Variants in LYPLA1 observed in about 807,000 individuals in gnomAD.
LYPLA1 encodes the protein acyl-protein thioesterase 1.
Under a neutral mutation model 34.0 loss-of-function variants are expected in LYPLA1, and 17 were observed. That is an observed-to-expected ratio of 0.50 (90% CI 0.34 to 0.75). The LOEUF (loss-of-function observed/expected upper bound fraction) is 0.75, where lower values mean the gene tolerates loss of function less well. Among genes scored for constraint, LYPLA1 ranks in the 30% least tolerant of loss-of-function variants. The pLI is 0.01. For missense variants in LYPLA1, 203 were observed against 288.8 expected (o/e 0.70, Z 2.15); for synonymous variants, 98 against 100.8 (o/e 0.97, Z 0.17).
intron 2 of LYPLA1, among the ~76,000 whole-genome samples, chr8:54,090,706 C>T (rs1809165864): frequency 6.6e-6 from 1 of 152,164 alleles, no homozygotes. Context: ...ATTTCTCAAC[C>T]TGCCGATCCG....
At chr8:54,088,493 A>G (rs1808968541) in intron 2 of LYPLA1, among the ~76,000 whole-genome samples, 1 of 152,210 alleles carries the variant, frequency 6.6e-6, no homozygotes, top group African/African-American at 2.4e-5. Flanking sequence ...GCACTCACAC[A>G]CTGCTGGCCA....
chr8:54,082,223 A>G (rs1190108347), intron 2 of LYPLA1, among the ~76,000 whole-genome samples: 1 of 152,260 alleles, frequency 6.6e-6, no homozygotes, highest in African/African-American at 2.4e-5. Context: ...GATTAGTTTC[A>G]GCTATGAAAA....
chr8:54,085,779 ACC>A (rs202109968), intron 2 of LYPLA1, among the ~76,000 whole-genome samples: 2 of 146,636 alleles, frequency 1.4e-5, no homozygotes, highest in African/African-American at 5.1e-5. Context: ...GGCAGCCCCC[ACC>A]CCGGCCAGCC....
intron 2 of LYPLA1, among the ~76,000 whole-genome samples, chr8:54,095,518 A>AT (rs1809615985): frequency 6.6e-6 from 1 of 152,120 alleles, no homozygotes; most frequent in Non-Finnish European, 1.5e-5. Flanking sequence ...AATATTTTAA[A>AT]TATTTCATAT....
At chr8:54,088,330 A>G (rs1475258285) in intron 2 of LYPLA1, among the ~76,000 whole-genome samples, 1 of 152,232 alleles carries the variant, frequency 6.6e-6, no homozygotes, top group Non-Finnish European at 1.5e-5. Flanking sequence ...AGGGACCTCT[A>G]TTTTACTTTT....
chr8:54,069,092 T>G (rs1301007904), intron 2 of LYPLA1, among the ~76,000 whole-genome samples: 2 of 152,120 alleles, frequency 1.3e-5, no homozygotes, highest in Non-Finnish European at 2.9e-5. Flanking sequence ...TAAGGAAACA[T>G]AAATCAAAGC....
At chr8:54,044,550 G>C (rs1307943688), downstream of LYPLA1, among the ~76,000 whole-genome samples, 1 of 152,002 alleles carries the variant, frequency 6.6e-6, no homozygotes, top group Non-Finnish European at 1.5e-5. Flanking sequence ...ACCAAAACAG[G>C]CAAGTTTCCC....
At position 54,046,614 on chromosome 8, in the gene LYPLA1, A is replaced by G. The variant is rs1471952195; in HGVS notation, c.*1451T>C. ...TGGCTTCATTATTAACATCCTGTATAGTCCATTACTAAATTATTTCCATTA... is the reference window on the plus strand; with the variant it reads ...TGGCTTCATTATTAACATCCTGTATGGTCCATTACTAAATTATTTCCATTA... On this transcript the variant is annotated 3_prime_UTR_variant, in exon 9 of 9. Transcript: ENST00000316963. 1 of 152,622 alleles carries G rather than the reference A, an allele frequency of 6.6e-6. No individual in the cohort carries two copies. Among genetic ancestry groups the G allele is most frequent in the Non-Finnish European group, 1.5e-5 (1 of 68,008 alleles). The allele number at this position is 152,622 out of a possible 1,614,324, so 9.5% of individuals were successfully genotyped here.
chr8:54,089,449 T>C (rs1356019427), intron 2 of LYPLA1, among the ~76,000 whole-genome samples: 1 of 143,476 alleles, frequency 7.0e-6, no homozygotes, highest in Non-Finnish European at 1.5e-5. Flanking sequence ...GGAAAAAACA[T>C]AGTATCATAG....
At chr8:54,080,289 T>C (rs1808215439) in intron 2 of LYPLA1, among the ~76,000 whole-genome samples, 1 of 151,308 alleles carries the variant, frequency 6.6e-6, no homozygotes, top group Non-Finnish European at 1.5e-5. Flanking sequence ...GAGGTGGGAG[T>C]TGTACTGAGC....
At chr8:54,077,842 G>T (rs1808021988) in intron 2 of LYPLA1, among the ~76,000 whole-genome samples, 1 of 152,030 alleles carries the variant, frequency 6.6e-6, no homozygotes, top group Non-Finnish European at 1.5e-5. Flanking sequence ...GGATGGGAGG[G>T]TACTAACTCC....
chr8:54,090,946 C>T (rs1022067829), intron 2 of LYPLA1, among the ~76,000 whole-genome samples: 1 of 152,192 alleles, frequency 6.6e-6, no homozygotes, highest in Admixed American at 6.5e-5. Context: ...AGGTGCCTTC[C>T]ACCTTTCCTG....
intron 2 of LYPLA1, among the ~76,000 whole-genome samples, chr8:54,080,864 A>G (rs1808264272): frequency 6.6e-6 from 1 of 152,242 alleles, no homozygotes; most frequent in Admixed American, 6.5e-5. Flanking sequence ...TTGGGATTAC[A>G]GGCGTAAGCC....
chr8:54,051,005 C>A lies in LYPLA1; in HGVS notation c.639+7G>T, dbSNP rs1263729514. On this transcript the variant is annotated splice_region_variant and intron_variant, in intron 8 of 8. Transcript: ENST00000316963. ...TATGGCGCTGATCACTGCTTCTAGA[C>A]ACCTACCTGTTGACACGAACTGTGC... is the stretch of plus-strand genomic sequence containing the variant. 11 of 1,597,672 alleles carry A rather than the reference C, an allele frequency of 6.9e-6. No homozygotes were observed. The highest frequency in any genetic ancestry group is 9.4e-6 in the Non-Finnish European group (11 of 1,168,046).
chr8:54,082,765 T>C lies in LYPLA1; in HGVS notation c.102-16952A>G, dbSNP rs980368713. 9.9e-5 allele frequency among the ~76,000 whole-genome samples: 15 copies of C among 152,274 alleles called. No homozygotes were observed. In the East Asian group the frequency reaches 2.9e-3, roughly 29 times the overall value. ...TTTCTGAGACGGAGTCTCGCTCTCT[T>C]GCCCAGGCTAGAGTGCAGTGGCGCG... On this transcript the variant is annotated intron_variant, in intron 2 of 8. Transcript: ENST00000316963.
At chr8:54,062,021 A>G (rs1455154794) in intron 5 of LYPLA1, among the ~76,000 whole-genome samples, 1 of 151,896 alleles carries the variant, frequency 6.6e-6, no homozygotes, top group Non-Finnish European at 1.5e-5. Flanking sequence ...ATATCCAGCT[A>G]ATTTTTTGTA....
chr8:54,079,551 C>T (rs986182929), intron 2 of LYPLA1, among the ~76,000 whole-genome samples: 9 of 152,048 alleles, frequency 5.9e-5, no homozygotes, highest in Non-Finnish European at 1.0e-4. Flanking sequence ...GCCTTTGACC[C>T]CAGCAGTTTG....
intron 2 of LYPLA1, chr8:54,073,382 A>G: frequency 1.3e-6 from 1 of 786,480 alleles, no homozygotes; most frequent in South Asian, 1.3e-5. Context: ...TGGCTGCCCA[A>G]GAAGTGTTCC....
chr8:54,079,346 T>C (rs551575009), intron 2 of LYPLA1, among the ~76,000 whole-genome samples: 1 of 152,224 alleles, frequency 6.6e-6, no homozygotes, highest in Admixed American at 6.6e-5. Context: ...GCTTTGCAAA[T>C]AGATTTTAAT....
Sources: gnomAD v4.1 joint callset for allele counts (sites outside exome capture counted in the v4.1 genomes callset) on GRCh38, gnomAD v4.1.1 for gene constraint, MANE v1.5 for transcripts, NCBI Gene and HGNC (gene_info 2026-07-23, HGNC 2026-07-21) for gene names.